PTPRS: variants seen among roughly 807,000 people sequenced by gnomAD.
The protein encoded by PTPRS is protein tyrosine phosphatase receptor type S.
Under a neutral mutation model 215.3 loss-of-function variants are expected in PTPRS, and 63 were observed. The observed-to-expected ratio is 0.29, with a 90% confidence interval of 0.24 to 0.36. The LOEUF (loss-of-function observed/expected upper bound fraction) is 0.36. Among genes scored for constraint, PTPRS ranks in the 10% least tolerant of loss-of-function variants. The pLI, the probability that PTPRS is intolerant of heterozygous loss-of-function variation, is 1.00. For synonymous variants in PTPRS, 1,404 were observed against 1,191.4 expected (o/e 1.18, Z -3.68); for missense variants, 2,258 against 2,825.8 (o/e 0.80, Z 4.56).
At chr19:5,262,715 C>T (rs2046096919) in intron 6 of PTPRS, among the ~76,000 whole-genome samples, 1 of 151,108 alleles carries the variant, frequency 6.6e-6, no homozygotes, top group Non-Finnish European at 1.5e-5. Flanking sequence ...TTCCTCTTTT[C>T]CTTTGGGTGG....
intron 9 of PTPRS, among the ~76,000 whole-genome samples, chr19:5,253,266 G>A (rs1054435586): frequency 1.3e-5 from 2 of 152,108 alleles, no homozygotes; most frequent in Non-Finnish European, 2.9e-5. Context: ...GGAGGAGAAG[G>A]GCAAGCCTGA....
At chr19:5,218,606 G>C in intron 24 of PTPRS, 74 bp from the exon 25 acceptor site, 2 of 1,542,922 alleles carry the variant, frequency 1.3e-6, no homozygotes, top group Non-Finnish European at 1.8e-6. Context: ...TCAGGCCCCA[G>C]GAATGCATGG....
At position 5,237,946 on chromosome 19, in the gene PTPRS, T is replaced by G. The variant is rs1335778617; in HGVS notation, c.1849+973A>C. 6.6e-6 allele frequency among the ~76,000 whole-genome samples: 1 copy of G among 151,950 alleles called. No individual in the cohort carries two copies. Among genetic ancestry groups the G allele is most frequent in the African/African-American group, 2.4e-5 (1 of 41,392 alleles). On this transcript the variant is annotated intron_variant, in intron 13 of 37. Transcript: ENST00000262963. The surrounding 1 kb of genome is among the most constrained non-coding windows in gnomAD (Gnocchi z 4.2). Reference sequence around the variant, plus strand: ...GAGTTGATGTTAACCCTTCGACTGATCCGAGATGCCCCTGTGTACACACAC... The same window carrying G: ...GAGTTGATGTTAACCCTTCGACTGAGCCGAGATGCCCCTGTGTACACACAC...
At chr19:5,245,441 A>G (rs2044402046) in intron 10 of PTPRS, among the ~76,000 whole-genome samples, 1 of 151,804 alleles carries the variant, frequency 6.6e-6, no homozygotes, top group Non-Finnish European at 1.5e-5. Context: ...GGCATGCACC[A>G]CTGCACTTGG....
At chr19:5,218,616 G>GT (rs561832346) in intron 24 of PTPRS, 84 bp from the exon 25 acceptor site, 11 of 1,528,624 alleles carry the variant, frequency 7.2e-6, no homozygotes, top group Non-Finnish European at 8.2e-6. Flanking sequence ...GGAATGCATG[G>GT]TAAGAAAAGG....
chr19:5,218,579 T>A, intron 24 of PTPRS, 47 bp from the exon 25 acceptor site: 1 of 1,584,964 alleles, frequency 6.3e-7, no homozygotes, highest in Non-Finnish European at 8.7e-7. Flanking sequence ...TGGCACATGT[T>A]CATGTGTGAA....
intron 30 of PTPRS, among the ~76,000 whole-genome samples, chr19:5,213,446 C>A (rs1291339742): frequency 6.8e-6 from 1 of 147,738 alleles, no homozygotes; most frequent in Non-Finnish European, 1.5e-5. Context: ...CCCCATCATA[C>A]CCTCTTCCAG....
chr19:5,231,207 C>A lies in PTPRS; in HGVS notation c.2155+103G>T. 4 of 1,265,992 alleles carry A rather than the reference C, an allele frequency of 3.2e-6. No individual in the cohort carries two copies. In the South Asian group the frequency reaches 4.5e-5, roughly 14 times the overall value. 78.4% of individuals were successfully genotyped at this position (1,265,992 alleles called of 1,614,324 possible). A position where few individuals can be genotyped will look rare whatever the true frequency, so the allele number is the denominator to read the frequency against. ...GCTTCCCGACTTCCTCCGAGTGAGG[C>A]TTCCGCCCTTTGACCACCAGCCCAG... On this transcript the variant is annotated intron_variant, in intron 14 of 37. Transcript: ENST00000262963.
At chr19:5,319,797 C>G (rs1012055972) in intron 1 of PTPRS, among the ~76,000 whole-genome samples, 5 of 151,990 alleles carry the variant, frequency 3.3e-5, no homozygotes, top group African/African-American at 7.3e-5. Context: ...CTCCTCACCT[C>G]CATCAGGGCT....
At chr19:5,312,166 T>C (rs10415030) in intron 1 of PTPRS, among the ~76,000 whole-genome samples, 31,008 of 151,932 alleles carry the variant, frequency 0.2, 3,608 homozygotes, top group African/African-American at 0.32. Flanking sequence ...CAAATGGGCA[T>C]GTCCGTCAGG....
chr19:5,241,635 A>G (rs1205497345), intron 11 of PTPRS, among the ~76,000 whole-genome samples: 1 of 151,878 alleles, frequency 6.6e-6, no homozygotes, highest in African/African-American at 2.4e-5. Context: ...GCTCACAGAC[A>G]TGGACAGAGT....
At chr19:5,270,537 T>C (rs1265136933) in intron 4 of PTPRS, among the ~76,000 whole-genome samples, 2 of 152,212 alleles carry the variant, frequency 1.3e-5, no homozygotes, top group African/African-American at 4.8e-5. Context: ...CTCAAACTCC[T>C]GGGCTCAAGT....
At chr19:5,328,865 C>G (rs943939593) in intron 1 of PTPRS, among the ~76,000 whole-genome samples, 1 of 152,184 alleles carries the variant, frequency 6.6e-6, no homozygotes, top group African/African-American at 2.4e-5. Flanking sequence ...TCACCCACTC[C>G]GAGTACTCTC....
chr19:5,257,887 CGCG>C lies in PTPRS; in HGVS notation c.706+127_706+129del. 1 of 743,030 alleles carries C rather than the reference CGCG, an allele frequency of 1.3e-6. No individual in the cohort carries two copies. Among genetic ancestry groups the C allele is most frequent in the South Asian group, 1.7e-5 (1 of 57,442 alleles). 46.0% of individuals were successfully genotyped at this position (743,030 alleles called of 1,614,324 possible). On this transcript the variant is annotated intron_variant, in intron 8 of 37. Coordinates refer to ENST00000262963, the MANE Select transcript of PTPRS (RefSeq NM_002850.4). This position sits in a 1 kb window ranked among gnomAD's most constrained non-coding sequence, Gnocchi z 4.4. ...GACGCCGCCTCGGCCAAGGTCCCAC[CGCG>C]ACCGGGGAGGGGCCTTCCTGCTTGG... is the stretch of plus-strand genomic sequence containing the variant.
intron 1 of PTPRS, among the ~76,000 whole-genome samples, chr19:5,336,363 ACT>A (rs1009617522): frequency 6.6e-6 from 1 of 150,834 alleles, no homozygotes; most frequent in African/African-American, 2.4e-5. Context: ...TGGGGCTGCC[ACT>A]CTCTGCGTGA....
chr19:5,258,164 G>A, intron 7 of PTPRS, 37 bp from the exon 8 acceptor site: 1 of 1,556,918 alleles, frequency 6.4e-7, no homozygotes, highest in South Asian at 1.1e-5. Context: ...TCTGTTAGAG[G>A]GGGGCCCAGG....
intron 23 of PTPRS, 69 bp from the exon 24 acceptor site, chr19:5,218,867 C>G: frequency 6.7e-7 from 1 of 1,492,556 alleles, no homozygotes; most frequent in Non-Finnish European, 9.1e-7. Flanking sequence ...TGCCGGCCAT[C>G]AAGGGCTTGT....
intron 16 of PTPRS, 101 bp from the exon 17 acceptor site, chr19:5,225,945 C>T (rs562653826): frequency 3.8e-5 from 36 of 953,642 alleles, no homozygotes; most frequent in Admixed American, 3.7e-5. Flanking sequence ...ATGCAGGGCC[C>T]GGATCAGGGG....
At chr19:5,309,110 A>C (rs998586900) in intron 1 of PTPRS, among the ~76,000 whole-genome samples, 1 of 152,110 alleles carries the variant, frequency 6.6e-6, no homozygotes, top group African/African-American at 2.4e-5. Flanking sequence ...GGAAACCACC[A>C]AAAACTGGAG....
Sources: allele counts gnomAD v4.1 joint callset (sites outside exome capture counted in the v4.1 genomes callset), GRCh38; gene constraint gnomAD v4.1.1; non-coding constraint Gnocchi (gnomAD v3.1); transcripts MANE v1.5; gene names NCBI Gene and HGNC (gene_info 2026-07-23, HGNC 2026-07-21).